ETFBKMT: variants seen among roughly 807,000 people sequenced by gnomAD.
ETFBKMT encodes electron transfer flavoprotein beta subunit lysine methyltransferase.
Under a neutral mutation model 18.3 loss-of-function variants are expected in ETFBKMT, and 13 were observed. The ratio of observed to expected loss-of-function variants is 0.71; its 90% CI spans 0.46 to 1.13. The LOEUF (loss-of-function observed/expected upper bound fraction) is 1.13, where lower values mean the gene tolerates loss of function less well. ETFBKMT is among the 50% of genes most tolerant of loss of function. The pLI is 0.00. For synonymous variants in ETFBKMT, 84 were observed against 107.9 expected (o/e 0.78, Z 1.37); for missense variants, 293 against 306.2 (o/e 0.96, Z 0.32).
upstream of ETFBKMT, among the ~76,000 whole-genome samples, chr12:31,657,498 T>C (rs1951072054): frequency 6.6e-6 from 1 of 152,104 alleles, no homozygotes; most frequent in Admixed American, 6.6e-5. Context: ...AGCTGCAATA[T>C]AAAGAATAAT....
rs751155970 is a variant in ETFBKMT, at chr12:31,672,322, C to T, written c.*4332C>T. ...AAAAGCATCAATAAACAGTCCATGT[C>T]ACTTGCTTTAGTTTGTTTGGGCCTA... On this transcript the variant is annotated 3_prime_UTR_variant, in exon 4 of 4. Coordinates refer to ENST00000357721, the MANE Select transcript of ETFBKMT (RefSeq NM_001135863.2). 19 of 1,577,412 alleles carry T rather than the reference C, an allele frequency of 1.2e-5. No individual in the cohort carries two copies. The South Asian group carries it at 2.2e-4, about 18-fold the overall frequency.
Position 31,666,282 on chromosome 12 carries a change from C to T in ETFBKMT, c.445+65C>T, listed in dbSNP as rs142479602. Reference sequence around the variant, plus strand: ...TTTTTTTCTCTGGGATAAATATGTACACATGCTCAGTGTGGTAGCTTATCG... The same window carrying T: ...TTTTTTTCTCTGGGATAAATATGTATACATGCTCAGTGTGGTAGCTTATCG... On this transcript the variant is annotated intron_variant, in intron 3 of 3. Transcript: ENST00000357721. The T allele has an allele frequency of 2.5e-3, 3,707 of 1,503,752 alleles. 14 individuals carry two copies. Among genetic ancestry groups the T allele is most frequent in the Middle Eastern group, 9.6e-3 (54 of 5,624 alleles). The allele number at this position is 1,503,752 out of a possible 1,614,324, so 93.2% of individuals were successfully genotyped here.
At position 31,662,219 on chromosome 12, in the gene ETFBKMT, G is replaced by A; in HGVS notation, c.266G>A (p.Ser89Asn). 6.2e-7 allele frequency: 1 copy of A among 1,614,246 alleles called. No individual in the cohort carries two copies. ...WWERADLWPH[S>N]DPYWAIYWPG... ...GAGAGAGCTGACCTGTGGCCCCACA[G>A]TGATCCTTACTGGGCAATCTACTGG... Residue 89 changes from serine (S) to asparagine (N), a missense_variant, in exon 2 of 4, where the codon AGT becomes AAT. Transcript: ENST00000357721.
At chr12:31,659,286 T>G (rs922927080), upstream of ETFBKMT, 1 of 152,244 alleles carries the variant, frequency 6.6e-6, no homozygotes, top group Non-Finnish European at 1.5e-5. Context: ...ATGTAAAGCA[T>G]GAGCGGGAAC....
intron 1 of ETFBKMT, among the ~76,000 whole-genome samples, chr12:31,650,642 T>TTTTTTTTTTTTTTTAA (rs1555182738): frequency 2.7e-5 from 4 of 150,646 alleles, no homozygotes; most frequent in East Asian, 1.9e-4. Flanking sequence ...TTTTTTTTTT[T>TTTTTTTTTTTTTTTAA]AAAGAATCAC....
chr12:31,647,568 C>T (rs1334224076), intron 1 of ETFBKMT, among the ~76,000 whole-genome samples: 5 of 152,248 alleles, frequency 3.3e-5, no homozygotes, highest in Middle Eastern at 3.4e-3. Context: ...GGGCTGGGCG[C>T]GTGTAATCCC....
chr12:31,648,662 A>T (rs191610378), intron 1 of ETFBKMT, among the ~76,000 whole-genome samples: 3 of 138,696 alleles, frequency 2.2e-5, no homozygotes, highest in East Asian at 2.2e-4. Flanking sequence ...CCCGGGTTCT[A>T]GCCATTCTCC....
chr12:31,652,104 C>T (rs1188058258), intron 1 of ETFBKMT, among the ~76,000 whole-genome samples: 1 of 152,168 alleles, frequency 6.6e-6, no homozygotes, highest in East Asian at 1.9e-4. Flanking sequence ...ACAGTGTAAA[C>T]GTCATACCTG....
chr12:31,654,389 A>C (rs1342275478), upstream of ETFBKMT, among the ~76,000 whole-genome samples: 2 of 152,188 alleles, frequency 1.3e-5, no homozygotes, highest in Non-Finnish European at 2.9e-5. Context: ...TTAATCATAC[A>C]CCTACCATAT....
chr12:31,666,727 T>G (rs1268221036), intron 3 of ETFBKMT, among the ~76,000 whole-genome samples: 1 of 152,050 alleles, frequency 6.6e-6, no homozygotes, highest in Non-Finnish European at 1.5e-5. Flanking sequence ...CTCAGCTCAC[T>G]GCAAGCTCCG....
upstream of ETFBKMT, among the ~76,000 whole-genome samples, chr12:31,655,013 G>GCCACT (rs1565746425): frequency 6.7e-6 from 1 of 150,048 alleles, no homozygotes; most frequent in Non-Finnish European, 1.5e-5. Context: ...CCAAGATCGC[G>GCCACT]CCACTGCACT....
chr12:31,661,145 A>T (rs998613104), intron 1 of ETFBKMT, among the ~76,000 whole-genome samples: 3 of 152,226 alleles, frequency 2.0e-5, no homozygotes, highest in Non-Finnish European at 4.4e-5. Context: ...GCATATGCCT[A>T]GTTTATATAC....
At chr12:31,657,182 A>G (rs535946134), upstream of ETFBKMT, among the ~76,000 whole-genome samples, 1 of 152,304 alleles carries the variant, frequency 6.6e-6, no homozygotes, top group South Asian at 2.1e-4. Flanking sequence ...TTGCACCTGC[A>G]AGAGGGACCG....
In ETFBKMT at chr12:31,662,076, C is replaced by G; in HGVS notation, c.123C>G (p.Ser41Arg). The G allele has an allele frequency of 6.2e-7, 1 of 1,614,222 alleles. No homozygotes were observed. The highest frequency in any genetic ancestry group is 8.5e-7 in the Non-Finnish European group (1 of 1,180,046). Residue 41 changes from serine (S) to arginine (R), a missense_variant, in exon 2 of 4, where the codon AGC becomes AGG. Transcript: ENST00000357721. Reference protein sequence around the residue: ...CGQCPWRGAGSFLDPEIKAFL... With the variant: ...CGQCPWRGAGRFLDPEIKAFL... ...AGTGTCCCTGGAGAGGAGCTGGAAGCTTTTTGGACCCTGAGATAAAGGCTT... is the reference window on the plus strand; with the variant it reads ...AGTGTCCCTGGAGAGGAGCTGGAAGGTTTTTGGACCCTGAGATAAAGGCTT...
chr12:31,662,144 C>A lies in ETFBKMT; in HGVS notation c.191C>A (p.Thr64Asn), dbSNP rs200832261. 1 of 1,614,236 alleles carries A rather than the reference C, an allele frequency of 6.2e-7. No homozygotes were observed. Among genetic ancestry groups the A allele is most frequent in the Non-Finnish European group, 8.5e-7 (1 of 1,180,042 alleles). Residue 64 changes from threonine to asparagine, a missense_variant, in exon 2 of 4, where the codon ACC becomes AAC. Coordinates refer to ENST00000357721, the MANE Select transcript of ETFBKMT (RefSeq NM_001135863.2). ...GAAGTCACCAGCAGTGGTAGCCTCACCCCTGAAATCCAGTTGCGGCTTTTG... is the reference window on the plus strand; with the variant it reads ...GAAGTCACCAGCAGTGGTAGCCTCAACCCTGAAATCCAGTTGCGGCTTTTG... ...NTEVTSSGSL[T>N]PEIQLRLLTP...
At chr12:31,656,132 A>G (rs1004762699), upstream of ETFBKMT, among the ~76,000 whole-genome samples, 2 of 152,148 alleles carry the variant, frequency 1.3e-5, no homozygotes, top group African/African-American at 4.8e-5. Context: ...TCTGCTTTCA[A>G]GTCTAGGCAG....
intron 1 of ETFBKMT, among the ~76,000 whole-genome samples, chr12:31,650,512 C>A (rs1199882441): frequency 6.6e-6 from 1 of 151,992 alleles, no homozygotes; most frequent in Admixed American, 6.6e-5. Flanking sequence ...ACTTTATGGA[C>A]TTGCCCTGAT....
At chr12:31,662,811 A>G (rs557573643) in intron 2 of ETFBKMT, among the ~76,000 whole-genome samples, 8 of 152,256 alleles carry the variant, frequency 5.3e-5, no homozygotes, top group African/African-American at 1.7e-4. Context: ...TTCATAGCGC[A>G]TGACCATTGC....
chr12:31,665,458 A>C (rs1951182012), intron 2 of ETFBKMT, among the ~76,000 whole-genome samples: 1 of 152,060 alleles, frequency 6.6e-6, no homozygotes, highest in South Asian at 2.1e-4. Flanking sequence ...TGTCCAGTCA[A>C]CCTAAAGACA....
Sources: allele counts gnomAD v4.1 joint callset (sites outside exome capture counted in the v4.1 genomes callset), GRCh38; gene constraint gnomAD v4.1.1; transcripts MANE v1.5; gene names NCBI Gene and HGNC (gene_info 2026-07-23, HGNC 2026-07-21).